The following CFAP74 variants were observed in gnomAD, a reference collection of about 807,000 sequenced individuals.
The protein encoded by CFAP74 is cilia- and flagella-associated protein 74.
In CFAP74, 124 loss-of-function variants were observed where a neutral mutation model predicts 188.9. That is an observed-to-expected ratio of 0.66 (90% CI 0.57 to 0.76). The LOEUF (loss-of-function observed/expected upper bound fraction) is 0.76. Ranked by LOEUF, CFAP74 falls within the 30% of genes least tolerant of loss-of-function variation. CFAP74 has a pLI of 0.00. For missense variants in CFAP74, 2,198 were observed against 2,165.2 expected (o/e 1.02, Z -0.30); for synonymous variants, 956 against 916.7 (o/e 1.04, Z -0.77).
intron 25 of CFAP74, among the ~76,000 whole-genome samples, chr1:1,936,906 C>CA (rs34360920): frequency 0.42 from 57,109 of 136,578 alleles, 12,143 homozygotes; most frequent in Admixed American, 0.52. Context: ...GACCCTGTCT[C>CA]AAAAAAAAAA....
intron 12 of CFAP74, among the ~76,000 whole-genome samples, chr1:1,965,910 C>T (rs184499530): frequency 4.6e-5 from 7 of 152,344 alleles, no homozygotes; most frequent in South Asian, 2.1e-4. Flanking sequence ...CTGCAGAGAC[C>T]GTGTCTTGCT....
intron 21 of CFAP74, among the ~76,000 whole-genome samples, chr1:1,943,670 G>A (rs1026642182): frequency 1.3e-5 from 2 of 152,260 alleles, no homozygotes; most frequent in Non-Finnish European, 2.9e-5. Context: ...CCCTGCCTGT[G>A]TCCACGAGGG....
chr1:1,923,962 T>G lies in CFAP74; in HGVS notation c.4235-33A>C. The G allele has an allele frequency of 6.3e-7, 1 of 1,584,144 alleles. No individual in the cohort carries two copies. The highest frequency in any genetic ancestry group is 8.6e-7 in the Non-Finnish European group (1 of 1,164,882). Reference sequence around the variant, plus strand: ...TAGGGTGGGGTGCAGTTTGGCCTTCTCCACCTGCAATCACTGTCTGCCCTC... The same window carrying G: ...TAGGGTGGGGTGCAGTTTGGCCTTCGCCACCTGCAATCACTGTCTGCCCTC... On this transcript the variant is annotated intron_variant, in intron 34 of 38. Coordinates refer to ENST00000682832, the MANE Select transcript of CFAP74 (RefSeq NM_001304360.2). The surrounding 1 kb of genome is among the most constrained non-coding windows in gnomAD (Gnocchi z 6.3).
chr1:1,943,360 G>A (rs774619336), intron 21 of CFAP74, among the ~76,000 whole-genome samples: 1 of 152,212 alleles, frequency 6.6e-6, no homozygotes, highest in Admixed American at 6.5e-5. Flanking sequence ...GCACATTCCC[G>A]GCCCATGCCG....
At chr1:1,971,412 C>A (rs995547449) in intron 9 of CFAP74, among the ~76,000 whole-genome samples, 9 of 151,938 alleles carry the variant, frequency 5.9e-5, no homozygotes, top group African/African-American at 1.9e-4. Flanking sequence ...CACACATGCA[C>A]ACATGCACAC....
At chr1:1,992,000 A>G (rs1011940776) in intron 1 of CFAP74, among the ~76,000 whole-genome samples, 5 of 150,984 alleles carry the variant, frequency 3.3e-5, no homozygotes, top group Admixed American at 2.0e-4. Flanking sequence ...AGATCGCGCC[A>G]CTGCACTCCA....
At chr1:2,003,535 G>A (rs1477727349) in intron 1 of CFAP74, among the ~76,000 whole-genome samples, 166 bp downstream of exon 1, 1 of 152,138 alleles carries the variant, frequency 6.6e-6, no homozygotes, top group Non-Finnish European at 1.5e-5. Context: ...TGCCAGCGCC[G>A]GGGTTCCCTG....
chr1:1,987,043 AG>A lies in CFAP74; in HGVS notation c.297-9del. The stretch of plus-strand genomic sequence containing the variant: ...CAGGCGCGCAGCTCCCCTCTGGAAC[AG>A]GGAAACAAAGGTCAGATGATGGTTC... On this transcript the variant is annotated splice_polypyrimidine_tract_variant and intron_variant, in intron 4 of 38. Transcript: ENST00000682832. 6.3e-7 allele frequency: 1 copy of A among 1,586,548 alleles called. No individual in the cohort carries two copies. Among genetic ancestry groups the A allele is most frequent in the East Asian group, 2.2e-5 (1 of 44,454 alleles).
rs1044675562 is a variant in CFAP74, at chr1:1,926,506, C to T, written c.3779G>A (p.Arg1260His). Residue 1260 changes from arginine to histidine, a missense_variant, in exon 31 of 39, where the codon CGC (arginine) becomes CAC (histidine). Arg to His is a conservative substitution (Grantham distance 29). Coordinates refer to ENST00000682832, the MANE Select transcript of CFAP74 (RefSeq NM_001304360.2). ...FNFGDVAVGHRSIKKISIQNV... is the reference protein window; with the variant it reads ...FNFGDVAVGHHSIKKISIQNV... ...CTGGATGGAGATCTTCTTGATACTG[C>T]GGTGCCCTGAAATGGGGCAGGGAGC... The T allele has an allele frequency of 3.3e-5, 51 of 1,550,016 alleles. No individual in the cohort carries two copies. The highest frequency in any genetic ancestry group is 1.7e-4 in the Middle Eastern group (1 of 6,012).
At chr1:1,940,834 C>T (rs977098975) in intron 22 of CFAP74, among the ~76,000 whole-genome samples, 2 of 152,170 alleles carry the variant, frequency 1.3e-5, no homozygotes, top group African/African-American at 4.8e-5. Context: ...GGAAAAGGGC[C>T]GGGCACGGTG....
At chr1:1,961,626 A>G (rs982520728) in intron 14 of CFAP74, among the ~76,000 whole-genome samples, 58 of 152,094 alleles carry the variant, frequency 3.8e-4, no homozygotes, top group African/African-American at 1.3e-3. Flanking sequence ...AATGAGAGAA[A>G]CAGGCGGGCT....
At chr1:1,959,263 T>C in intron 15 of CFAP74, 54 bp from the exon 16 acceptor site, 1 of 1,321,612 alleles carries the variant, frequency 7.6e-7, no homozygotes, top group Non-Finnish European at 1.1e-6. Flanking sequence ...TTTGTGTGTT[T>C]TGTTTTTTTT....
At chr1:1,930,697 A>G (rs1474677306) in intron 25 of CFAP74, among the ~76,000 whole-genome samples, 1 of 152,254 alleles carries the variant, frequency 6.6e-6, no homozygotes, top group East Asian at 1.9e-4. Context: ...CTGGGACTAC[A>G]GATGAGTGCC....
At chr1:1,987,775 C>T (rs549505554) in intron 4 of CFAP74, among the ~76,000 whole-genome samples, 61 of 152,226 alleles carry the variant, frequency 4.0e-4, no homozygotes, top group South Asian at 2.1e-3. Context: ...CTCCTGACCT[C>T]GTGATCCACC....
rs781225897 is a variant in CFAP74, at chr1:1,922,993, G to A, written c.4675C>T (p.Pro1559Ser). 1 of 1,580,676 alleles carries A rather than the reference G, an allele frequency of 6.3e-7. No homozygotes were observed. Among genetic ancestry groups the A allele is most frequent in the South Asian group, 1.2e-5 (1 of 86,336 alleles). The change falls in exon 37 of 39, where the codon CCA (proline) becomes TCA (serine). Residue 1559 changes from proline to serine, a missense_variant. Transcript: ENST00000682832. ...VGCIRTTQPS[P>S]KKTVEFSIDS... The stretch of plus-strand genomic sequence containing the variant: ...GGCAGTGCTGTGGGCACCTTCTTTG[G>A]AGATGGCTGGGTGGTCCGGATACAG...
intron 9 of CFAP74, 64 bp from the exon 10 acceptor site, chr1:1,970,880 C>A: frequency 1.3e-6 from 2 of 1,580,082 alleles, no homozygotes; most frequent in Non-Finnish European, 1.7e-6. Context: ...CACGCTCACA[C>A]CTGCACATGT....
At chr1:1,930,683 G>T (rs1652303209) in intron 25 of CFAP74, among the ~76,000 whole-genome samples, 1 of 152,200 alleles carries the variant, frequency 6.6e-6, no homozygotes, top group African/African-American at 2.4e-5. Context: ...AGCCTCCCGA[G>T]TAGCTGGGAC....
At chr1:1,969,802 G>A (rs1451646348) in intron 10 of CFAP74, among the ~76,000 whole-genome samples, 1 of 152,174 alleles carries the variant, frequency 6.6e-6, no homozygotes, top group African/African-American at 2.4e-5. Context: ...GCACCCAGAG[G>A]AGGATGCCTT....
chr1:1,992,002 T>A (rs1022794079), intron 1 of CFAP74, among the ~76,000 whole-genome samples: 3 of 149,168 alleles, frequency 2.0e-5, no homozygotes, highest in South Asian at 2.1e-4. Context: ...ATCGCGCCAC[T>A]GCACTCCAGC....
Sources: allele counts gnomAD v4.1 joint callset (sites outside exome capture counted in the v4.1 genomes callset), GRCh38; gene constraint gnomAD v4.1.1; non-coding constraint Gnocchi (gnomAD v3.1); transcripts MANE v1.5; gene names NCBI Gene and HGNC (gene_info 2026-07-23, HGNC 2026-07-21).